The following RBPMS2 variants were observed in gnomAD, a reference collection of about 807,000 sequenced individuals.
RBPMS2 encodes RNA-binding protein with multiple splicing 2.
Under a neutral mutation model 25.7 loss-of-function variants are expected in RBPMS2, and 14 were observed. That is an observed-to-expected ratio of 0.55 (90% CI 0.36 to 0.85). RBPMS2 has a LOEUF of 0.85. Ranked by LOEUF, RBPMS2 falls within the 40% of genes least tolerant of loss-of-function variation. The pLI is 0.01. For synonymous variants in RBPMS2, 127 were observed against 115.6 expected (o/e 1.10, Z -0.63); for missense variants, 252 against 283.4 (o/e 0.89, Z 0.80).
chr15:64,769,100 CAAAAAAAAAAA>C (rs1167404963), intron 1 of RBPMS2, among the ~76,000 whole-genome samples: 5 of 27,684 alleles, frequency 1.8e-4, no homozygotes, highest in Non-Finnish European at 3.8e-4. Flanking sequence ...GACTTCGTCT[CAAAAAAAAAAA>C]AAAAAAAAAA....
At chr15:64,741,073 C>G (rs111579072) in intron 7 of RBPMS2, 73 bp from the exon 8 acceptor site, 1 of 886,044 alleles carries the variant, frequency 1.1e-6, no homozygotes, top group African/African-American at 1.7e-5. Flanking sequence ...GCTCTGGGCT[C>G]GGCTAAGCTC....
intron 6 of RBPMS2, among the ~76,000 whole-genome samples, chr15:64,743,793 C>T (rs996332751): frequency 2.0e-5 from 3 of 152,172 alleles, no homozygotes; most frequent in African/African-American, 7.2e-5. Context: ...AAGCAAGCAA[C>T]GGGATGAACC....
chr15:64,747,954 C>G (rs1163486837), intron 6 of RBPMS2, among the ~76,000 whole-genome samples: 1 of 152,148 alleles, frequency 6.6e-6, no homozygotes, highest in Non-Finnish European at 1.5e-5. Context: ...CTAACTTTCA[C>G]AACAACCCTA....
intron 1 of RBPMS2, among the ~76,000 whole-genome samples, chr15:64,757,721 G>A (rs1418487117): frequency 6.6e-6 from 1 of 152,162 alleles, no homozygotes; most frequent in Non-Finnish European, 1.5e-5. Context: ...CCAGTACAGG[G>A]GACCATTGTG....
At chr15:64,773,695 G>A (rs1349174301) in intron 1 of RBPMS2, among the ~76,000 whole-genome samples, 1 of 152,132 alleles carries the variant, frequency 6.6e-6, no homozygotes, top group African/African-American at 2.4e-5. Flanking sequence ...AGACCCTTTA[G>A]CAGAAGTGGG....
Position 64,750,296 on chromosome 15 carries a change from G to A in RBPMS2, c.204+47C>T, listed in dbSNP as rs775647591. 3.8e-6 allele frequency: 6 copies of A among 1,559,100 alleles called. No homozygotes were observed. The Admixed American group carries it at 1.0e-4, about 26-fold the overall frequency. ...TTAACGGGCCCTTGTTTGAAGCTCA[G>A]CAGCCGGTCTGGGCTGGGAGGAAGA... On this transcript the variant is annotated intron_variant, in intron 3 of 7. Transcript: ENST00000300069.
rs1288945821 is a variant in RBPMS2 at position 64,755,197 on chromosome 15, T to C, written c.88-3559A>G. 2.6e-5 allele frequency among the ~76,000 whole-genome samples: 4 copies of C among 152,076 alleles called. No homozygotes were observed. The South Asian group carries it at 6.2e-4, about 24-fold the overall frequency. On this transcript the variant is annotated intron_variant, in intron 1 of 7. Transcript: ENST00000300069. ...GCTCAAGACTCGTTTCCAGCCAGGATTCCCTCTGGGTCCGATGACCCTTTT... is the reference window on the plus strand; with the variant it reads ...GCTCAAGACTCGTTTCCAGCCAGGACTCCCTCTGGGTCCGATGACCCTTTT...
In RBPMS2 at chr15:64,767,084, G is replaced by GT. The variant is rs777157541; in HGVS notation, c.87+8148dup. ...CAGGCATAAGCCACCGAGTTTTTCG[G>GT]TTTTTTACTTTTTTTTTCTCTCTTT... On this transcript the variant is annotated intron_variant, in intron 1 of 7. Coordinates refer to ENST00000300069, the MANE Select transcript of RBPMS2 (RefSeq NM_194272.3). Among the ~76,000 whole-genome samples the GT allele has an allele frequency of 3.9e-5, 6 of 151,918 alleles. No homozygotes were observed. The East Asian group carries it at 7.7e-4, about 20-fold the overall frequency.
chr15:64,760,841 A>G (rs1467986471), intron 1 of RBPMS2, among the ~76,000 whole-genome samples: 1 of 151,290 alleles, frequency 6.6e-6, no homozygotes, highest in Non-Finnish European at 1.5e-5. Flanking sequence ...CTTCTCCACC[A>G]AGGATACTGA....
intron 1 of RBPMS2, among the ~76,000 whole-genome samples, chr15:64,755,604 C>T (rs141034951): frequency 6.6e-6 from 1 of 152,080 alleles, no homozygotes; most frequent in Non-Finnish European, 1.5e-5. Flanking sequence ...GCAGGGGGAG[C>T]GGCACAGGGC....
intron 6 of RBPMS2, among the ~76,000 whole-genome samples, chr15:64,744,819 T>TGC: frequency 8.5e-6 from 1 of 117,042 alleles, no homozygotes; most frequent in African/African-American, 3.4e-5. Flanking sequence ...TTTTTTTTTT[T>TGC]TTTTTTTTTT....
rs71133475 is a variant in RBPMS2 at position 64,774,733 on chromosome 15, G to GCCGGCCGGCCGGCCGA, written c.87+499_87+500insTCGGCCGGCCGGCCGG. On this transcript the variant is annotated intron_variant, in intron 1 of 7. Transcript: ENST00000300069. ...GACAACAGCTCGCAGGAACCGAGGA[G>GCCGGCCGGCCGGCCGA]CCGGCCGGCCCAGGCCTCCAAGGTC... Among the ~76,000 whole-genome samples, 14 of 12,942 alleles carry GCCGGCCGGCCGGCCGA rather than the reference G, an allele frequency of 1.1e-3. No individual in the cohort carries two copies. In the East Asian group the frequency reaches 0.25, roughly 231 times the overall value. 8.5% of individuals were successfully genotyped at this position (12,942 alleles called of 152,430 possible).
At chr15:64,768,823 G>A (rs1432890142) in intron 1 of RBPMS2, among the ~76,000 whole-genome samples, 5 of 150,288 alleles carry the variant, frequency 3.3e-5, no homozygotes, top group Non-Finnish European at 7.4e-5. Context: ...ATTTAAGGCC[G>A]GGCGCCGTGG....
At chr15:64,758,506 G>A (rs1388147021) in intron 1 of RBPMS2, among the ~76,000 whole-genome samples, 1 of 152,202 alleles carries the variant, frequency 6.6e-6, no homozygotes, top group Non-Finnish European at 1.5e-5. Context: ...ACCAATATAG[G>A]CAAGGAACGT....
chr15:64,740,959 C>T lies in RBPMS2; in HGVS notation c.*49G>A. The T allele has an allele frequency of 2.0e-6, 1 of 504,996 alleles. No homozygotes were observed. Among genetic ancestry groups the T allele is most frequent in the Non-Finnish European group, 3.6e-6 (1 of 279,446 alleles). 31.3% of individuals were successfully genotyped at this position (504,996 alleles called of 1,614,324 possible). On this transcript the variant is annotated 3_prime_UTR_variant, in exon 8 of 8. Coordinates refer to ENST00000300069, the MANE Select transcript of RBPMS2 (RefSeq NM_194272.3). ...TGGGAACTCGGGGCGCCTGTCCCGG[C>T]ACCACCACAGATTACCAGAACCACC...
At chr15:64,758,765 C>A (rs1233599027) in intron 1 of RBPMS2, among the ~76,000 whole-genome samples, 1 of 151,994 alleles carries the variant, frequency 6.6e-6, no homozygotes, top group East Asian at 1.9e-4. Context: ...GGTCCATGGA[C>A]CCCACAGGCT....
intron 6 of RBPMS2, 104 bp downstream of exon 6, chr15:64,748,315 C>T: frequency 8.1e-7 from 1 of 1,227,330 alleles, no homozygotes. Flanking sequence ...GACAAGAGTT[C>T]TGCTGCAGCT....
chr15:64,758,536 T>C (rs1179217350), intron 1 of RBPMS2, among the ~76,000 whole-genome samples: 1 of 152,180 alleles, frequency 6.6e-6, no homozygotes, highest in African/African-American at 2.4e-5. Flanking sequence ...TGTGTACCCA[T>C]ACAGAATACC....
chr15:64,746,067 CAG>C (rs2083616088), intron 6 of RBPMS2, among the ~76,000 whole-genome samples: 1 of 152,146 alleles, frequency 6.6e-6, no homozygotes, highest in East Asian at 1.9e-4. Flanking sequence ...GCAGCACTGT[CAG>C]GGGGCAAGCA....
Sources: gnomAD v4.1 joint callset for allele counts (sites outside exome capture counted in the v4.1 genomes callset) on GRCh38, gnomAD v4.1.1 for gene constraint, MANE v1.5 for transcripts, NCBI Gene and HGNC (gene_info 2026-07-23, HGNC 2026-07-21) for gene names.